NKAIN2: variants seen among roughly 807,000 people sequenced by gnomAD.
NKAIN2 encodes the protein sodium/potassium-transporting ATPase subunit beta-1-interacting protein 2.
Under a neutral mutation model 32.6 loss-of-function variants are expected in NKAIN2, and 14 were observed. The observed-to-expected ratio is 0.43, with a 90% CI of 0.28 to 0.67. The LOEUF is 0.67. NKAIN2 is among the 30% of genes least tolerant of loss of function. The pLI is 0.17. For synonymous variants in NKAIN2, 80 were observed against 87.2 expected (o/e 0.92, Z 0.46); for missense variants, 198 against 258.3 (o/e 0.77, Z 1.60).
intron 3 of NKAIN2, among the ~76,000 whole-genome samples, chr6:124,453,502 T>C (rs1207462826): frequency 6.6e-6 from 1 of 152,008 alleles, no homozygotes; most frequent in Non-Finnish European, 1.5e-5. Context: ...TTTTTGTATG[T>C]AGAGGATGAA....
chr6:123,809,013 A>G (rs1035895522), intron 1 of NKAIN2, among the ~76,000 whole-genome samples: 3 of 152,220 alleles, frequency 2.0e-5, no homozygotes, highest in South Asian at 2.1e-4. Context: ...TGCATTAAAT[A>G]TTCGTATATA....
At chr6:123,872,180 G>A (rs1485388776) in intron 1 of NKAIN2, among the ~76,000 whole-genome samples, 3 of 152,088 alleles carry the variant, frequency 2.0e-5, no homozygotes, top group Non-Finnish European at 2.9e-5. Context: ...TAGAACCTGA[G>A]GTGAGGATTC....
intron 1 of NKAIN2, among the ~76,000 whole-genome samples, chr6:123,826,115 T>A (rs1562203040): frequency 6.6e-6 from 1 of 152,132 alleles, no homozygotes; most frequent in Non-Finnish European, 1.5e-5. Flanking sequence ...ATGAGAACAC[T>A]GCTGACAGAA....
intron 1 of NKAIN2, among the ~76,000 whole-genome samples, chr6:124,069,410 C>T (rs1783335483): frequency 6.6e-6 from 1 of 152,126 alleles, no homozygotes; most frequent in Non-Finnish European, 1.5e-5. Flanking sequence ...CCACTTGGGG[C>T]AGCCGGCCAG....
At chr6:123,845,122 G>C (rs1362141053) in intron 1 of NKAIN2, among the ~76,000 whole-genome samples, 3 of 152,186 alleles carry the variant, frequency 2.0e-5, no homozygotes, top group Non-Finnish European at 4.4e-5. Flanking sequence ...GCAATATTCT[G>C]ATTATAGGTT....
intron 3 of NKAIN2, among the ~76,000 whole-genome samples, chr6:124,456,621 T>G (rs1776333262): frequency 6.6e-6 from 1 of 151,924 alleles, no homozygotes; most frequent in African/African-American, 2.4e-5. Context: ...TTAAATATTT[T>G]TTTGCCCATT....
chr6:123,883,463 A>G (rs1773552923), intron 1 of NKAIN2, among the ~76,000 whole-genome samples: 1 of 74,098 alleles, frequency 1.3e-5, no homozygotes, highest in Non-Finnish European at 2.2e-5. Flanking sequence ...TTCTTGTGAG[A>G]TCTTGTTTTT....
chr6:124,296,943 A>G (rs1796080046), intron 2 of NKAIN2, among the ~76,000 whole-genome samples: 1 of 152,206 alleles, frequency 6.6e-6, no homozygotes, highest in Non-Finnish European at 1.5e-5. Flanking sequence ...GTTTTGGACT[A>G]GATCAGTCAA....
At chr6:123,884,491 G>GGT (rs1773620961) in intron 1 of NKAIN2, among the ~76,000 whole-genome samples, 1 of 151,872 alleles carries the variant, frequency 6.6e-6, no homozygotes, top group African/African-American at 2.4e-5. Flanking sequence ...TATGTGGGTG[G>GGT]GTGTGTGTGT....
At chr6:124,561,708 T>C (rs951776340) in intron 3 of NKAIN2, among the ~76,000 whole-genome samples, 2 of 152,174 alleles carry the variant, frequency 1.3e-5, no homozygotes, top group Non-Finnish European at 2.9e-5. Context: ...CATAATTCCA[T>C]TGCATTACTT....
At chr6:124,398,621 A>T (rs955972040) in intron 3 of NKAIN2, among the ~76,000 whole-genome samples, 16 of 152,178 alleles carry the variant, frequency 1.1e-4, no homozygotes, top group South Asian at 4.1e-4. Flanking sequence ...GATGATTAAA[A>T]CTACAGGTGG....
chr6:123,895,561 A>G (rs538281753), intron 1 of NKAIN2, among the ~76,000 whole-genome samples: 4 of 152,156 alleles, frequency 2.6e-5, no homozygotes, highest in African/African-American at 4.8e-5. Context: ...TGGTCTACTT[A>G]CCTAGGGACA....
rs573928071 is a variant in NKAIN2, at chr6:124,003,502, C to T, written c.54+199248C>T. ...AGAACTTGTTGATGGAATGCAAATT[C>T]TTCACCAAATGCTTTTGAATGGAGT... On this transcript the variant is annotated intron_variant, in intron 1 of 6. Coordinates refer to ENST00000368417, the MANE Select transcript of NKAIN2 (RefSeq NM_001040214.3). 6.6e-5 allele frequency among the ~76,000 whole-genome samples: 10 copies of T among 152,276 alleles called. No individual in the cohort carries two copies. In the South Asian group the frequency reaches 1.9e-3, roughly 28 times the overall value.
At chr6:124,543,077 A>T (rs991813933) in intron 3 of NKAIN2, among the ~76,000 whole-genome samples, 4 of 152,166 alleles carry the variant, frequency 2.6e-5, no homozygotes, top group African/African-American at 9.7e-5. Context: ...TAATAAAAAA[A>T]ATCAAAACAC....
chr6:124,644,256 CTA>C (rs1784087882), intron 3 of NKAIN2, among the ~76,000 whole-genome samples: 2 of 152,068 alleles, frequency 1.3e-5, no homozygotes, highest in South Asian at 4.2e-4. Context: ...TTTTTTATCA[CTA>C]TGCTGATGAG....
chr6:124,392,137 C>T (rs1773169772), intron 3 of NKAIN2, among the ~76,000 whole-genome samples: 1 of 152,094 alleles, frequency 6.6e-6, no homozygotes, highest in South Asian at 2.1e-4. Flanking sequence ...ATCAAAAGTG[C>T]TTTTAAAAAC....
chr6:124,207,526 T>A (rs1790955373), intron 1 of NKAIN2, among the ~76,000 whole-genome samples: 1 of 151,310 alleles, frequency 6.6e-6, no homozygotes, highest in Non-Finnish European at 1.5e-5. Flanking sequence ...AGCATTTCTT[T>A]AATTCTGCTT....
intron 1 of NKAIN2, among the ~76,000 whole-genome samples, chr6:124,013,450 T>C (rs1345617446): frequency 6.6e-6 from 1 of 152,188 alleles, no homozygotes; most frequent in Non-Finnish European, 1.5e-5. Context: ...TAGATAGGCA[T>C]GTCATTTCTC....
intron 2 of NKAIN2, among the ~76,000 whole-genome samples, chr6:124,320,646 G>A (rs9375320): frequency 0.11 from 16,636 of 152,124 alleles, 1,011 homozygotes; most frequent in East Asian, 0.23. Flanking sequence ...CCAATTTATG[G>A]GCTCAATAAA....
Sources: gnomAD v4.1 joint callset for allele counts (sites outside exome capture counted in the v4.1 genomes callset) on GRCh38, gnomAD v4.1.1 for gene constraint, MANE v1.5 for transcripts, NCBI Gene and HGNC (gene_info 2026-07-23, HGNC 2026-07-21) for gene names.